Variants in UNC13B observed in about 807,000 individuals in gnomAD.
UNC13B encodes unc-13 homolog B, also known as protein unc-13 homolog B.
UNC13B carries 144 observed loss-of-function variants against 211.0 expected under a neutral mutation model. The observed-to-expected ratio is 0.68, with a 90% CI of 0.60 to 0.78. UNC13B has a LOEUF of 0.78. UNC13B is among the 30% of genes least tolerant of loss of function. UNC13B has a pLI of 0.00. For synonymous variants in UNC13B, 709 were observed against 725.8 expected (o/e 0.98, Z 0.37); for missense variants, 1,777 against 2,002.0 (o/e 0.89, Z 2.14).
intron 11 of UNC13B, among the ~76,000 whole-genome samples, chr9:35,327,588 G>A (rs1178375458): frequency 6.6e-6 from 1 of 152,186 alleles, no homozygotes. Context: ...TACACTGGCA[G>A]CCAATTAGAT....
At chr9:35,186,643 A>G (rs1329673516) in intron 1 of UNC13B, among the ~76,000 whole-genome samples, 1 of 152,174 alleles carries the variant, frequency 6.6e-6, no homozygotes, top group African/African-American at 2.4e-5. Flanking sequence ...GACTGGTGGC[A>G]GATGTGTCAG....
rs374212011 is a variant in UNC13B, at chr9:35,393,104, A to G, written c.11308+2390A>G. Among the ~76,000 whole-genome samples the G allele has an allele frequency of 6.3e-4, 96 of 152,334 alleles. 1 individual carries two copies. In the South Asian group the frequency reaches 0.015, roughly 24 times the overall value. ...GCTCTGTGCTGGTTATTGGAACCCA[A>G]TGAGATGAACAAGGCATAGCACCAT... On this transcript the variant is annotated intron_variant, in intron 26 of 39. Transcript: ENST00000635942.
chr9:35,370,581 G>T (rs1834055702), intron 13 of UNC13B, among the ~76,000 whole-genome samples, 185 bp downstream of exon 13: 1 of 152,248 alleles, frequency 6.6e-6, no homozygotes, highest in Non-Finnish European at 1.5e-5. Flanking sequence ...TCACTCCCTA[G>T]TCAGAGTCCT....
chr9:35,231,997 G>A (rs1825227565), intron 3 of UNC13B, among the ~76,000 whole-genome samples: 1 of 151,578 alleles, frequency 6.6e-6, no homozygotes, highest in Non-Finnish European at 1.5e-5. Flanking sequence ...TGTTTTTTCT[G>A]GGAGTTGGAG....
Position 35,175,818 on chromosome 9 carries a change from A to G in UNC13B, c.22+13513A>G, listed in dbSNP as rs1185231475. Among the ~76,000 whole-genome samples, 4 of 150,332 alleles carry G rather than the reference A, an allele frequency of 2.7e-5. No individual in the cohort carries two copies. The South Asian group carries it at 6.3e-4, about 24-fold the overall frequency. On this transcript the variant is annotated intron_variant, in intron 1 of 39. Transcript: ENST00000635942. Reference sequence around the variant, plus strand: ...GATCACTTGAGGTCAGGAGTTCGAGACCAGTCTGGCCAACATGGTGAAACC... The same window carrying G: ...GATCACTTGAGGTCAGGAGTTCGAGGCCAGTCTGGCCAACATGGTGAAACC...
intron 6 of UNC13B, among the ~76,000 whole-genome samples, chr9:35,257,406 A>G (rs1173682243): frequency 2.4e-5 from 3 of 127,260 alleles, no homozygotes; most frequent in Non-Finnish European, 4.9e-5. Flanking sequence ...AAATATTTAT[A>G]TAAATATTTA....
intron 1 of UNC13B, among the ~76,000 whole-genome samples, chr9:35,207,478 TTTTATTTA>T (rs56280520): frequency 2.0e-4 from 29 of 143,042 alleles, no homozygotes; most frequent in South Asian, 4.4e-4. Context: ...AGAAATTAAT[TTTTATTTA>T]TTTATTTATT....
At chr9:35,321,514 G>A (rs1830735299) in intron 11 of UNC13B, among the ~76,000 whole-genome samples, 1 of 152,044 alleles carries the variant, frequency 6.6e-6, no homozygotes. Flanking sequence ...CTCATACCTG[G>A]CTCCTCTTGT....
In UNC13B at chr9:35,390,733, C is replaced by T. The variant is rs1208282008; in HGVS notation, c.11308+19C>T. ...TTGGAGGGTAAGGATCTGTTCAAATCAGTGGGCTGCCAGGCTCCTAGCCCA... is the reference window on the plus strand; with the variant it reads ...TTGGAGGGTAAGGATCTGTTCAAATTAGTGGGCTGCCAGGCTCCTAGCCCA... On this transcript the variant is annotated intron_variant, in intron 26 of 39. Transcript: ENST00000635942. 1 of 1,605,944 alleles carries T rather than the reference C, an allele frequency of 6.2e-7. No individual in the cohort carries two copies. The highest frequency in any genetic ancestry group is 8.5e-7 in the Non-Finnish European group (1 of 1,176,590).
chr9:35,282,053 A>C (rs1564111367), intron 7 of UNC13B, among the ~76,000 whole-genome samples: 1 of 152,328 alleles, frequency 6.6e-6, no homozygotes, highest in East Asian at 1.9e-4. Flanking sequence ...ACCTTTGATG[A>C]CTTTATGCAG....
intron 1 of UNC13B, among the ~76,000 whole-genome samples, chr9:35,186,524 A>G (rs1236316702): frequency 6.6e-6 from 1 of 152,194 alleles, no homozygotes; most frequent in East Asian, 1.9e-4. Context: ...ACAGATACAC[A>G]TGAGGAGTTT....
intron 11 of UNC13B, chr9:35,352,332 C>T (rs1482804175): frequency 8.1e-7 from 1 of 1,232,064 alleles, no homozygotes; most frequent in Non-Finnish European, 1.0e-6. Flanking sequence ...TCCCCTTCCC[C>T]TAGGCCCACT....
At chr9:35,353,496 T>C in intron 11 of UNC13B, 3 of 1,231,818 alleles carry the variant, frequency 2.4e-6, no homozygotes, top group Non-Finnish European at 3.0e-6. Context: ...CTCAGTGTGG[T>C]CTCTGGTGGA....
At chr9:35,196,963 A>G (rs768952116) in intron 1 of UNC13B, among the ~76,000 whole-genome samples, 28 of 151,330 alleles carry the variant, frequency 1.9e-4, no homozygotes, top group Non-Finnish European at 3.5e-4. Flanking sequence ...TAGAGACAGG[A>G]TCTCCCTATG....
chr9:35,296,637 G>A (rs1268311579), intron 8 of UNC13B, among the ~76,000 whole-genome samples: 2 of 152,096 alleles, frequency 1.3e-5, no homozygotes, highest in Non-Finnish European at 2.9e-5. Flanking sequence ...AGAAAATTTG[G>A]AGACATAATT....
chr9:35,220,352 C>T (rs1452049108), intron 1 of UNC13B, among the ~76,000 whole-genome samples: 1 of 150,326 alleles, frequency 6.7e-6, no homozygotes, highest in African/African-American at 2.5e-5. Flanking sequence ...ACTGTAGTCC[C>T]CCTGTTGTGC....
At chr9:35,347,462 G>A (rs1488110049) in intron 11 of UNC13B, among the ~76,000 whole-genome samples, 1 of 152,174 alleles carries the variant, frequency 6.6e-6, no homozygotes, top group Admixed American at 6.5e-5. Flanking sequence ...CTGTCCCTGA[G>A]GGTTGCCCTT....
At chr9:35,233,241 G>A (rs1233530257) in intron 3 of UNC13B, among the ~76,000 whole-genome samples, 1 of 152,072 alleles carries the variant, frequency 6.6e-6, no homozygotes, top group Non-Finnish European at 1.5e-5. Flanking sequence ...ATAATTTCCA[G>A]TTATAACTCT....
At chr9:35,331,351 G>A (rs1156519174) in intron 11 of UNC13B, among the ~76,000 whole-genome samples, 1 of 152,136 alleles carries the variant, frequency 6.6e-6, no homozygotes, top group African/African-American at 2.4e-5. Flanking sequence ...AGATTCAAGC[G>A]ATTCTTGTGC....
Sources: allele counts gnomAD v4.1 joint callset (sites outside exome capture counted in the v4.1 genomes callset), GRCh38; gene constraint gnomAD v4.1.1; transcripts MANE v1.5; gene names NCBI Gene and HGNC (gene_info 2026-07-23, HGNC 2026-07-21).